ENTREP1: variants seen among roughly 807,000 people sequenced by gnomAD.
The protein encoded by ENTREP1 is endosomal transmembrane epsin interactor 1, also known as Friedreich ataxia region gene X123.
At chr9:69,354,305 G>A in the ENTREP1 span, among the ~76,000 whole-genome samples, 1 of 140,588 alleles carries the variant, frequency 7.1e-6, no homozygotes, top group East Asian at 2.1e-4. Context: ...CACCCAGGCT[G>A]GAGTGCAATG....
chr9:69,365,259 C>T, the ENTREP1 span, among the ~76,000 whole-genome samples: 1 of 152,148 alleles, frequency 6.6e-6, no homozygotes, highest in African/African-American at 2.4e-5. Flanking sequence ...CCCTGCCCTC[C>T]TCACAAATAG....
At chr9:69,355,428 A>G in the ENTREP1 span, among the ~76,000 whole-genome samples, 1 of 152,308 alleles carries the variant, frequency 6.6e-6, no homozygotes, top group African/African-American at 2.4e-5. Context: ...TACCTGACTT[A>G]GCAGATTATA....
chr9:69,346,385 C>T, the ENTREP1 span, among the ~76,000 whole-genome samples: 797 of 152,090 alleles, frequency 5.2e-3, 2 homozygotes, highest in Non-Finnish European at 9.5e-3. Context: ...CTGTTTCCCT[C>T]CTTTCTTGTT....
At chr9:69,338,064 C>T in the ENTREP1 span, among the ~76,000 whole-genome samples, 4 of 152,094 alleles carry the variant, frequency 2.6e-5, no homozygotes, top group African/African-American at 9.7e-5. Context: ...TTTTTAGGCC[C>T]ACAAGATGAC....
At chr9:69,346,822 G>A in the ENTREP1 span, among the ~76,000 whole-genome samples, 1 of 152,196 alleles carries the variant, frequency 6.6e-6, no homozygotes, top group South Asian at 2.1e-4. Flanking sequence ...GCAACCCTTA[G>A]CTGATCTCCA....
chr9:69,368,037 C>T, the ENTREP1 span, among the ~76,000 whole-genome samples: 1,511 of 104,272 alleles, frequency 0.014, 37 homozygotes, highest in African/African-American at 0.052. Context: ...ATTTTCTAAA[C>T]GTTGATTTTG....
the ENTREP1 span, among the ~76,000 whole-genome samples, chr9:69,343,102 A>G: frequency 6.6e-6 from 1 of 152,230 alleles, no homozygotes; most frequent in African/African-American, 2.4e-5. Flanking sequence ...CTTTCTGCCA[A>G]GTTAATTGTT....
chr9:69,364,699 CAT>C, the ENTREP1 span, among the ~76,000 whole-genome samples: 5 of 152,128 alleles, frequency 3.3e-5, no homozygotes, highest in African/African-American at 4.8e-5. Context: ...AGCTGTGTCT[CAT>C]ATATGCCACA....
At chr9:69,389,201 T>C in the ENTREP1 span, among the ~76,000 whole-genome samples, 125,664 of 152,166 alleles carry the variant, frequency 0.83, 51,996 homozygotes, top group South Asian at 0.87. Context: ...GTGGATGTTG[T>C]AGACAGCACC....
chr9:69,325,231 C>T, the ENTREP1 span: 2 of 1,064,612 alleles, frequency 1.9e-6, no homozygotes, highest in Non-Finnish European at 2.3e-6. Flanking sequence ...CAGTGTGCTG[C>T]GCCTTCGGCT....
At chr9:69,335,834 A>ATGCGCCTGTAGTCCAGACG in the ENTREP1 span, among the ~76,000 whole-genome samples, 1 of 147,096 alleles carries the variant, frequency 6.8e-6, no homozygotes, top group South Asian at 2.2e-4. Context: ...GTGTGGTGAC[A>ATGCGCCTGTAGTCCAGACG]TGCGCCTGTA....
chr9:69,326,765 T>C, the ENTREP1 span, among the ~76,000 whole-genome samples: 1 of 152,084 alleles, frequency 6.6e-6, no homozygotes, highest in Non-Finnish European at 1.5e-5. Flanking sequence ...AGTTTCCCCA[T>C]GTTGCCCAGG....
At chr9:69,390,044 C>A in the ENTREP1 span, among the ~76,000 whole-genome samples, 1 of 152,216 alleles carries the variant, frequency 6.6e-6, no homozygotes, top group Non-Finnish European at 1.5e-5. Flanking sequence ...CTCTAGCTGG[C>A]TTCGCATCTT....
chr9:69,325,030 G>C, the ENTREP1 span: 1 of 985,390 alleles, frequency 1.0e-6, no homozygotes, highest in Non-Finnish European at 1.2e-6. Flanking sequence ...CACTTGCCCC[G>C]GCACAGCGCG....
the ENTREP1 span, among the ~76,000 whole-genome samples, chr9:69,361,116 G>C: frequency 6.6e-6 from 1 of 152,046 alleles, no homozygotes; most frequent in African/African-American, 2.4e-5. Context: ...GGAGTTCTAA[G>C]TGACTTTTTT....
the ENTREP1 span, among the ~76,000 whole-genome samples, chr9:69,360,295 A>G: frequency 2.0e-5 from 3 of 152,196 alleles, no homozygotes; most frequent in African/African-American, 7.2e-5. Context: ...ACCAATTTCC[A>G]AAGGCAATCA....
the ENTREP1 span, chr9:69,387,786 A>AT: frequency 1.4e-6 from 1 of 738,474 alleles, no homozygotes; most frequent in African/African-American, 1.9e-5. Context: ...TCCTTGGAAC[A>AT]TCCTTTCATT....
the ENTREP1 span, among the ~76,000 whole-genome samples, chr9:69,388,877 A>C: frequency 4.0e-5 from 6 of 148,340 alleles, no homozygotes; most frequent in African/African-American, 1.6e-4. Context: ...GAGGCTGTTC[A>C]CATTCCCATG....
the ENTREP1 span, among the ~76,000 whole-genome samples, chr9:69,343,575 T>C: frequency 6.6e-6 from 1 of 152,178 alleles, no homozygotes; most frequent in African/African-American, 2.4e-5. Context: ...GCCTCCTGAG[T>C]AGCCGATGTT....
Sources: allele counts gnomAD v4.1 joint callset (sites outside exome capture counted in the v4.1 genomes callset), GRCh38; gene constraint gnomAD v4.1.1; transcripts MANE v1.5; gene names NCBI Gene and HGNC (gene_info 2026-07-23, HGNC 2026-07-21).